Variants in TGM5 observed in about 807,000 individuals in gnomAD.
TGM5 encodes the protein protein-glutamine gamma-glutamyltransferase 5.
In TGM5, 69 loss-of-function variants were observed where a neutral mutation model predicts 77.2. That is an observed-to-expected ratio of 0.89 (90% confidence interval 0.74 to 1.09). TGM5 has a LOEUF of 1.09. Ranked by LOEUF, TGM5 falls within the 50% of genes least tolerant of loss-of-function variation. The pLI, the probability that TGM5 is intolerant of heterozygous loss-of-function variation, is 0.00. For missense variants in TGM5, 842 were observed against 896.5 expected (o/e 0.94, Z 0.78); for synonymous variants, 346 against 351.8 (o/e 0.98, Z 0.18).
chr15:43,266,720 G>T, intron 1 of TGM5, 120 bp downstream of exon 1: 1 of 1,338,034 alleles, frequency 7.5e-7, no homozygotes, highest in Non-Finnish European at 1.1e-6. Context: ...TGCTTTTCCT[G>T]CCTCAGTTCT....
At chr15:43,244,290 CA>C (rs1047013766) in intron 6 of TGM5, among the ~76,000 whole-genome samples, 9 of 152,242 alleles carry the variant, frequency 5.9e-5, no homozygotes, top group African/African-American at 1.9e-4. Flanking sequence ...TGCATTTCTA[CA>C]TTCCTAGTAC....
chr15:43,234,255 G>A (rs528392384), intron 11 of TGM5, among the ~76,000 whole-genome samples: 3 of 152,288 alleles, frequency 2.0e-5, no homozygotes, highest in South Asian at 2.1e-4. Context: ...GAGACAGCAC[G>A]GGAAGGAAGG....
intron 6 of TGM5, among the ~76,000 whole-genome samples, chr15:43,245,528 G>T (rs1368202899): frequency 6.6e-6 from 1 of 152,006 alleles, no homozygotes; most frequent in African/African-American, 2.4e-5. Context: ...TTCCTTAATA[G>T]TACCTTAAGT....
At position 43,256,579 on chromosome 15, in the gene TGM5, TC is replaced by T. The variant is rs1295501791; in HGVS notation, c.543del (p.Trp181Ter). ...GGGCTGAGACTCACCTGTCCATAGT[TC>T]CAGGGACATGGGCGGATCCAGTTCT... ...GSKNWIRPCP[W>X]NYGQFEDKII... On this transcript the variant is annotated frameshift_variant, in exon 4 of 13. Transcript: ENST00000220420. LOFTEE classifies it high-confidence loss of function. The T allele has an allele frequency of 6.2e-7, 1 of 1,613,386 alleles. No homozygotes were observed. The highest frequency in any genetic ancestry group is 8.5e-7 in the Non-Finnish European group (1 of 1,179,372).
chr15:43,237,610 G>A (rs2042599930), intron 9 of TGM5, among the ~76,000 whole-genome samples: 1 of 150,756 alleles, frequency 6.6e-6, no homozygotes. Context: ...GTGCAGTGTT[G>A]CCATCATAGT....
intron 4 of TGM5, among the ~76,000 whole-genome samples, chr15:43,254,087 T>G (rs1057170377): frequency 6.6e-6 from 1 of 152,206 alleles, no homozygotes; most frequent in Non-Finnish European, 1.5e-5. Flanking sequence ...GCACCTGTGA[T>G]TCACTGGGGC....
chr15:43,247,973 G>A (rs962099739), intron 6 of TGM5, among the ~76,000 whole-genome samples: 1 of 152,152 alleles, frequency 6.6e-6, no homozygotes. Context: ...GTGAATGGAA[G>A]TGGGCTATGA....
At chr15:43,236,180 C>T (rs572856205) in intron 9 of TGM5, among the ~76,000 whole-genome samples, 25 of 152,278 alleles carry the variant, frequency 1.6e-4, no homozygotes, top group Admixed American at 3.9e-4. Flanking sequence ...AGCAAACCTG[C>T]CCAACTCTAA....
chr15:43,257,038 A>G (rs1055468527), intron 3 of TGM5, among the ~76,000 whole-genome samples: 58 of 152,232 alleles, frequency 3.8e-4, no homozygotes, highest in Admixed American at 3.7e-3. Flanking sequence ...CAGCCGATTG[A>G]TTCCATATTC....
Position 43,233,133 on chromosome 15 carries a change from GA to G in TGM5, c.*57del. On this transcript the variant is annotated 3_prime_UTR_variant, in exon 13 of 13. Transcript: ENST00000220420. ...GTGGGGAATGGCGCAGCTTGCATTTGAACTTGCTCCTTTTCCTGAAGCTTGA... is the reference window on the plus strand; with the variant it reads ...GTGGGGAATGGCGCAGCTTGCATTTGACTTGCTCCTTTTCCTGAAGCTTGA... 1.2e-6 allele frequency: 2 copies of G among 1,606,810 alleles called. No homozygotes were observed. Among genetic ancestry groups the G allele is most frequent in the Admixed American group, 3.4e-5 (2 of 59,640 alleles).
intron 3 of TGM5, among the ~76,000 whole-genome samples, chr15:43,259,734 G>A (rs143705791): frequency 2.0e-5 from 3 of 152,020 alleles, no homozygotes; most frequent in East Asian, 1.9e-4. Context: ...CAGTGCATTC[G>A]TTCCTTTTAT....
intron 6 of TGM5, among the ~76,000 whole-genome samples, chr15:43,251,067 G>A (rs571203584): frequency 6.6e-6 from 1 of 152,168 alleles, no homozygotes; most frequent in Non-Finnish European, 1.5e-5. Flanking sequence ...ACACTGGAAG[G>A]TTCTCTCTCT....
chr15:43,240,372 G>T (rs1428569916), intron 7 of TGM5, among the ~76,000 whole-genome samples: 1 of 152,210 alleles, frequency 6.6e-6, no homozygotes, highest in Admixed American at 6.5e-5. Flanking sequence ...TCCATACTCT[G>T]TTAGACTAAG....
At chr15:43,235,377 CAG>C (rs960329191) in intron 10 of TGM5, 90 bp downstream of exon 10, 1 of 1,559,302 alleles carries the variant, frequency 6.4e-7, no homozygotes, top group Non-Finnish European at 8.8e-7. Flanking sequence ...GATGGTGTCT[CAG>C]GGGTCTGCCC....
At chr15:43,245,899 T>TG (rs34700701) in intron 6 of TGM5, among the ~76,000 whole-genome samples, 2,126 of 109,616 alleles carry the variant, frequency 0.019, 36 homozygotes, top group East Asian at 0.054. Flanking sequence ...GTGTGTGTGT[T>TG]GGGGGGGGGG....
chr15:43,237,227 G>A (rs945917011), intron 9 of TGM5, among the ~76,000 whole-genome samples: 3 of 152,208 alleles, frequency 2.0e-5, no homozygotes, highest in Non-Finnish European at 2.9e-5. Flanking sequence ...TGCCATTTCA[G>A]TGTCCACAGG....
At chr15:43,255,327 A>G (rs1258952565) in intron 4 of TGM5, among the ~76,000 whole-genome samples, 2 of 152,110 alleles carry the variant, frequency 1.3e-5, no homozygotes, top group Admixed American at 6.5e-5. Flanking sequence ...GAGCAAGACC[A>G]TGTCTCAAAA....
chr15:43,254,274 G>A (rs76046277), intron 4 of TGM5, among the ~76,000 whole-genome samples: 4,100 of 152,236 alleles, frequency 0.027, 194 homozygotes, highest in African/African-American at 0.089. Context: ...ACTCAGTTAC[G>A]TGATGTAGTC....
intron 6 of TGM5, among the ~76,000 whole-genome samples, chr15:43,252,238 G>A (rs1030690083): frequency 2.6e-5 from 4 of 152,262 alleles, no homozygotes; most frequent in Non-Finnish European, 5.9e-5. Flanking sequence ...GTCCTGGGAC[G>A]TGTGACTGTC....
Sources: allele counts gnomAD v4.1 joint callset (sites outside exome capture counted in the v4.1 genomes callset), GRCh38; gene constraint gnomAD v4.1.1; transcripts MANE v1.5; gene names NCBI Gene and HGNC (gene_info 2026-07-23, HGNC 2026-07-21).